Variants in UBN2 observed in about 807,000 individuals in gnomAD.
UBN2 encodes ubinuclein-2.
A neutral mutation model predicts 120.2 loss-of-function variants in UBN2; 35 were observed. That is an observed-to-expected ratio of 0.29 (90% CI 0.22 to 0.39). UBN2 has a LOEUF of 0.39. Ranked by LOEUF, UBN2 falls within the 10% of genes least tolerant of loss-of-function variation. UBN2 has a pLI of 1.00. For synonymous variants in UBN2, 661 were observed against 648.7 expected (o/e 1.02, Z -0.29); for missense variants, 1,693 against 1,663.2 (o/e 1.02, Z -0.31).
At chr7:139,280,581 G>T (rs561466747) in intron 13 of UBN2, among the ~76,000 whole-genome samples, 1 of 152,072 alleles carries the variant, frequency 6.6e-6, no homozygotes, top group African/African-American at 2.4e-5. Context: ...ATTATTCTGT[G>T]GCCTTCCTGA....
chr7:139,245,674 A>G (rs1796452137), intron 2 of UBN2, among the ~76,000 whole-genome samples: 1 of 152,228 alleles, frequency 6.6e-6, no homozygotes, highest in Non-Finnish European at 1.5e-5. Context: ...ATGCCTAGAC[A>G]AAAAATATGT....
At chr7:139,251,292 C>T (rs1382990059) in intron 2 of UBN2, among the ~76,000 whole-genome samples, 5 of 152,216 alleles carry the variant, frequency 3.3e-5, no homozygotes, top group Admixed American at 3.3e-4. Flanking sequence ...TTGTTGACAT[C>T]TTGCAATGTT....
At position 139,276,118 on chromosome 7, in the gene UBN2, G is replaced by A. The variant is rs1458185294; in HGVS notation, c.1995G>A (p.Arg665=). ...MQARMLFKES[R]SVHNHLTSAP... is the part of the protein sequence containing the mutation. ...CCAGAATGCTTTTTAAGGAAAGCCG[G>A]AGTGTTCATAATCATCTTACTTCTG... is the stretch of plus-strand genomic sequence containing the variant. The change falls in exon 12 of 18, where the codon CGG becomes CGA. Residue 665 remains arginine, a synonymous_variant. Transcript: ENST00000473989. 1 of 1,613,402 alleles carries A rather than the reference G, an allele frequency of 6.2e-7. No homozygotes were observed.
At chr7:139,269,274 A>T (rs1797191885) in intron 7 of UBN2, 120 bp from the exon 8 acceptor site, 1 of 944,074 alleles carries the variant, frequency 1.1e-6, no homozygotes, top group Non-Finnish European at 1.5e-6. Context: ...CATGAAGAAT[A>T]CTGTTTAGGA....
chr7:139,232,288 A>C (rs1796046776), intron 1 of UBN2, among the ~76,000 whole-genome samples: 2 of 152,210 alleles, frequency 1.3e-5, no homozygotes, highest in Admixed American at 6.5e-5. Context: ...GGGGCCCTGC[A>C]GGCCGTGTGG....
chr7:139,312,808 T>A (rs568371523), downstream of UBN2, among the ~76,000 whole-genome samples: 2 of 152,350 alleles, frequency 1.3e-5, no homozygotes, highest in African/African-American at 4.8e-5. Context: ...ACAATCCATC[T>A]GGCATCCACC....
intron 6 of UBN2, among the ~76,000 whole-genome samples, 184 bp downstream of exon 6, chr7:139,261,925 CTTTCTTT>C (rs1796947754): frequency 6.7e-6 from 1 of 149,158 alleles, no homozygotes; most frequent in Admixed American, 6.7e-5. Context: ...CCTTTTAGAC[CTTTCTTT>C]TTTCTTTCTT....
chr7:139,252,174 C>A, intron 3 of UBN2, 117 bp downstream of exon 3: 2 of 744,566 alleles, frequency 2.7e-6, no homozygotes, highest in East Asian at 2.7e-5. Context: ...TTTTTAAAGC[C>A]ATGTTCACTA....
chr7:139,294,372 C>T (rs962846295), intron 17 of UBN2, among the ~76,000 whole-genome samples: 3 of 152,170 alleles, frequency 2.0e-5, no homozygotes, highest in African/African-American at 4.8e-5. Flanking sequence ...TGATAGATGA[C>T]GATCTCCATT....
At chr7:139,279,202 A>C in intron 12 of UBN2, 116 bp from the exon 13 acceptor site, 1 of 829,548 alleles carries the variant, frequency 1.2e-6, no homozygotes, top group South Asian at 1.6e-5. Flanking sequence ...GGTTCCTTCA[A>C]AGAGCTTTCC....
intron 1 of UBN2, among the ~76,000 whole-genome samples, chr7:139,236,505 C>G (rs1403347744): frequency 6.6e-6 from 1 of 152,138 alleles, no homozygotes; most frequent in Admixed American, 6.5e-5. Context: ...ATTTCCTGAT[C>G]AAAGCAGTTA....
intron 15 of UBN2, among the ~76,000 whole-genome samples, chr7:139,285,033 A>G (rs1178794860): frequency 1.3e-5 from 2 of 151,932 alleles, no homozygotes; most frequent in Non-Finnish European, 2.9e-5. Flanking sequence ...TTATACATTC[A>G]TGTTATTTTT....
At chr7:139,309,464 A>G (rs1041348086), downstream of UBN2, among the ~76,000 whole-genome samples, 14 of 152,156 alleles carry the variant, frequency 9.2e-5, no homozygotes, top group African/African-American at 3.4e-4. Flanking sequence ...AAACGAGAAA[A>G]CCCTGTGGTT....
the UBN2 span, among the ~76,000 whole-genome samples, chr7:139,314,822 C>T: frequency 6.6e-6 from 1 of 151,578 alleles, no homozygotes; most frequent in Non-Finnish European, 1.5e-5. Context: ...GTGTTTGCTT[C>T]TGTTTTCATG....
chr7:139,279,473 A>T (rs1010400421), intron 13 of UBN2, 113 bp downstream of exon 13: 2 of 735,856 alleles, frequency 2.7e-6, no homozygotes. Context: ...ACTATAAGAT[A>T]GATGTTTTCA....
the UBN2 span, among the ~76,000 whole-genome samples, chr7:139,318,155 G>A: frequency 6.6e-6 from 1 of 152,096 alleles, no homozygotes; most frequent in Non-Finnish European, 1.5e-5. Flanking sequence ...TGTCTCTTTT[G>A]ATGTGATTGT....
At chr7:139,233,907 A>G (rs550157427) in intron 1 of UBN2, among the ~76,000 whole-genome samples, 39 of 152,246 alleles carry the variant, frequency 2.6e-4, no homozygotes, top group Non-Finnish European at 4.6e-4. Flanking sequence ...TTAACAGTAT[A>G]GGTGTCTATT....
intron 2 of UBN2, among the ~76,000 whole-genome samples, chr7:139,247,068 G>A (rs566276349): frequency 1.3e-5 from 2 of 151,844 alleles, no homozygotes; most frequent in South Asian, 4.1e-4. Context: ...TTTCTCTTGG[G>A]TGCATGTAAC....
In UBN2 at chr7:139,240,454, A is replaced by ATTTT. The variant is rs10682001; in HGVS notation, c.561+3365_561+3368dup. Among the ~76,000 whole-genome samples the ATTTT allele has an allele frequency of 1.6e-3, 195 of 123,102 alleles. 1 individual carries two copies. The highest frequency in any genetic ancestry group is 3.5e-3 in the South Asian group (13 of 3,744). The allele number at this position is 123,102 out of a possible 152,430, so 80.8% of individuals were successfully genotyped here. On this transcript the variant is annotated intron_variant, in intron 2 of 17. Coordinates refer to ENST00000473989, the MANE Select transcript of UBN2 (RefSeq NM_173569.4). ...AATATATATATATATATATATATAT[A>ATTTT]TTTTTTTTTTTAAATAATTATTTGG...
Sources: gnomAD v4.1 joint callset for allele counts (sites outside exome capture counted in the v4.1 genomes callset) on GRCh38, gnomAD v4.1.1 for gene constraint, MANE v1.5 for transcripts, NCBI Gene and HGNC (gene_info 2026-07-23, HGNC 2026-07-21) for gene names.